The following MAP3K2 variants were observed in gnomAD, a reference collection of about 807,000 sequenced individuals.
MAP3K2 encodes MAP/ERK kinase kinase 2.
A neutral mutation model predicts 80.3 loss-of-function variants in MAP3K2; 24 were observed. The ratio of observed to expected loss-of-function variants is 0.30; its 90% confidence interval spans 0.22 to 0.42. The LOEUF (loss-of-function observed/expected upper bound fraction) is 0.42, where lower values mean the gene tolerates loss of function less well. Among genes scored for constraint, MAP3K2 ranks in the 10% least tolerant of loss-of-function variants. The pLI, the probability that MAP3K2 is intolerant of heterozygous loss-of-function variation, is 1.00. For missense variants in MAP3K2, 608 were observed against 750.1 expected (o/e 0.81, Z 2.21); for synonymous variants, 244 against 253.7 (o/e 0.96, Z 0.36).
chr2:127,313,918 C>T (rs775776959), intron 15 of MAP3K2, among the ~76,000 whole-genome samples: 2 of 152,188 alleles, frequency 1.3e-5, no homozygotes, highest in Non-Finnish European at 2.9e-5. Flanking sequence ...GATCCTCCTG[C>T]CTCAGCCTCC....
intron 1 of MAP3K2, among the ~76,000 whole-genome samples, chr2:127,371,281 C>A (rs776535585): frequency 6.6e-6 from 1 of 152,086 alleles, no homozygotes; most frequent in Non-Finnish European, 1.5e-5. Flanking sequence ...ACGAGGTGGC[C>A]GTGCAAGATG....
chr2:127,309,598 C>G (rs1685772295), intron 15 of MAP3K2, among the ~76,000 whole-genome samples: 1 of 152,090 alleles, frequency 6.6e-6, no homozygotes, highest in African/African-American at 2.4e-5. Flanking sequence ...GATCCCACAC[C>G]ATATTTAGTC....
intron 1 of MAP3K2, among the ~76,000 whole-genome samples, chr2:127,353,210 T>C (rs55703145): frequency 0.033 from 4,867 of 148,618 alleles, 125 homozygotes; most frequent in Middle Eastern, 0.065. Flanking sequence ...GTCTGGAAAG[T>C]GAGGAGCGTC....
chr2:127,340,470 G>C (rs1056385877), intron 2 of MAP3K2, among the ~76,000 whole-genome samples: 3 of 152,042 alleles, frequency 2.0e-5, no homozygotes, highest in Non-Finnish European at 4.4e-5. Context: ...AAGTCTGGCC[G>C]ATATGGTGAA....
At chr2:127,319,349 G>A (rs1030143615) in intron 12 of MAP3K2, among the ~76,000 whole-genome samples, 1 of 151,932 alleles carries the variant, frequency 6.6e-6, no homozygotes, top group Non-Finnish European at 1.5e-5. Flanking sequence ...GCCCATCTCT[G>A]AGAACTGAGG....
Position 127,307,174 on chromosome 2 carries a change from T to TTA in MAP3K2, c.*403_*404dup, listed in dbSNP as rs1328961553. The stretch of plus-strand genomic sequence containing the variant: ...AAATACTATCACTAAAAACTACAAA[T>TTA]TATACATCATTTTCTTCTCCTTGTT... On this transcript the variant is annotated 3_prime_UTR_variant, in exon 17 of 17. Coordinates refer to ENST00000682094, the MANE Select transcript of MAP3K2 (RefSeq NM_001371910.2). This position sits in a 1 kb window ranked among gnomAD's most constrained non-coding sequence, Gnocchi z 5.4. 1 of 153,252 alleles carries TTA rather than the reference T, an allele frequency of 6.5e-6. No homozygotes were observed. Among genetic ancestry groups the TTA allele is most frequent in the Admixed American group, 6.5e-5 (1 of 15,318 alleles). 9.5% of individuals were successfully genotyped at this position (153,252 alleles called of 1,614,324 possible).
intron 1 of MAP3K2, among the ~76,000 whole-genome samples, chr2:127,346,796 T>G (rs920028902): frequency 2.0e-5 from 3 of 151,842 alleles, no homozygotes; most frequent in Admixed American, 2.0e-4. Flanking sequence ...GAAATCAGCC[T>G]GGCCAACATG....
chr2:127,388,132 C>T, upstream of MAP3K2: 2 of 985,068 alleles, frequency 2.0e-6, no homozygotes, highest in Non-Finnish European at 2.4e-6. Flanking sequence ...GGCCACCGCC[C>T]CCACCGGCCG....
chr2:127,355,824 A>T (rs922708371), intron 1 of MAP3K2, among the ~76,000 whole-genome samples: 6 of 152,180 alleles, frequency 3.9e-5, no homozygotes, highest in African/African-American at 1.4e-4. Context: ...TTTTTCCAAA[A>T]TAGGAATCAA....
Position 127,321,470 on chromosome 2 carries a change from C to T in MAP3K2, c.1045+576G>A, listed in dbSNP as rs1686018799. Among the ~76,000 whole-genome samples the T allele has an allele frequency of 6.6e-6, 1 of 152,168 alleles. No homozygotes were observed. Among genetic ancestry groups the T allele is most frequent in the Non-Finnish European group, 1.5e-5 (1 of 68,032 alleles). ...AATTCAGAGTATGCAAATAGTGCTGCAATAAACATCTTTGAACATGAATCT... is the reference window on the plus strand; with the variant it reads ...AATTCAGAGTATGCAAATAGTGCTGTAATAAACATCTTTGAACATGAATCT... On this transcript the variant is annotated intron_variant, in intron 12 of 16. Transcript: ENST00000682094. The surrounding 1 kb of genome is among the most constrained non-coding windows in gnomAD (Gnocchi z 4.4).
chr2:127,343,004 A>T (rs1041567614), intron 2 of MAP3K2, 122 bp downstream of exon 2: 1 of 679,744 alleles, frequency 1.5e-6, no homozygotes, highest in Non-Finnish European at 2.5e-6. Flanking sequence ...ACATTTCATA[A>T]ATCTGCTATA....
chr2:127,353,259 T>C (rs1016011447), intron 1 of MAP3K2, among the ~76,000 whole-genome samples: 12 of 150,588 alleles, frequency 8.0e-5, no homozygotes, highest in Non-Finnish European at 1.8e-4. Context: ...GTGACGAGCG[T>C]CTCTGCCCGG....
chr2:127,386,421 T>C (rs1167240679), intron 1 of MAP3K2, among the ~76,000 whole-genome samples: 1 of 152,224 alleles, frequency 6.6e-6, no homozygotes, highest in East Asian at 1.9e-4. Context: ...TAAAAAAGAT[T>C]GCATAAGACA....
At chr2:127,385,957 C>G (rs1687337496) in intron 1 of MAP3K2, among the ~76,000 whole-genome samples, 1 of 152,158 alleles carries the variant, frequency 6.6e-6, no homozygotes, top group African/African-American at 2.4e-5. Flanking sequence ...GATAACCATT[C>G]TATAATGATA....
intron 1 of MAP3K2, among the ~76,000 whole-genome samples, chr2:127,377,686 G>A (rs1277455832): frequency 6.6e-6 from 1 of 152,152 alleles, no homozygotes; most frequent in African/African-American, 2.4e-5. Flanking sequence ...GCACACAGTA[G>A]ACAATCAAAT....
intron 1 of MAP3K2, among the ~76,000 whole-genome samples, chr2:127,349,671 T>C (rs1686659454): frequency 6.6e-6 from 1 of 152,160 alleles, no homozygotes; most frequent in Non-Finnish European, 1.5e-5. Context: ...AAGACTTGAA[T>C]ACCTGTTTCT....
intron 1 of MAP3K2, among the ~76,000 whole-genome samples, chr2:127,351,239 G>A (rs1055021415): frequency 1.3e-5 from 2 of 152,062 alleles, no homozygotes; most frequent in Admixed American, 1.3e-4. Flanking sequence ...ATAATCCACA[G>A]GTTCTATCAA....
At chr2:127,341,421 T>G (rs763721232) in intron 2 of MAP3K2, among the ~76,000 whole-genome samples, 2 of 151,828 alleles carry the variant, frequency 1.3e-5, no homozygotes, top group Non-Finnish European at 2.9e-5. Context: ...CAAAGGGCAA[T>G]TTAATTGAGT....
chr2:127,358,020 A>C (rs1430800568), intron 1 of MAP3K2, among the ~76,000 whole-genome samples: 1 of 152,212 alleles, frequency 6.6e-6, no homozygotes, highest in Admixed American at 6.5e-5. Context: ...AACACCATTA[A>C]AAAAATAAAA....
Sources: gnomAD v4.1 joint callset for allele counts (sites outside exome capture counted in the v4.1 genomes callset) on GRCh38, gnomAD v4.1.1 for gene constraint, Gnocchi (gnomAD v3.1) non-coding constraint, MANE v1.5 for transcripts, NCBI Gene and HGNC (gene_info 2026-07-23, HGNC 2026-07-21) for gene names.